MOSPD1: variants seen among roughly 807,000 people sequenced by gnomAD.
The protein encoded by MOSPD1 is motile sperm domain containing 1.
In MOSPD1, 5 loss-of-function variants were observed where a neutral mutation model predicts 16.7. That is an observed-to-expected ratio of 0.30 (90% confidence interval 0.16 to 0.63). The LOEUF (loss-of-function observed/expected upper bound fraction) is 0.63. Ranked by LOEUF, MOSPD1 falls within the 30% of genes least tolerant of loss-of-function variation. The probability of loss-of-function intolerance (pLI) is 0.82; values close to 1 mark genes in which losing one functional copy is unlikely to be tolerated. For missense variants in MOSPD1, 104 were observed against 153.6 expected, an observed-to-expected ratio of 0.68 and a Z score of 1.71; for synonymous variants, 67 against 59.2, an observed-to-expected ratio of 1.13 and a Z score of -0.61.
intron 1 of MOSPD1, among the ~76,000 whole-genome samples, chrX:134,903,334 A>G (rs1351465212): frequency 8.9e-6 from 1 of 111,921 alleles, no homozygotes; most frequent in African/African-American, 3.2e-5. Context: ...TCTAGAAGAA[A>G]CAATGAGAAA....
intron 4 of MOSPD1, among the ~76,000 whole-genome samples, chrX:134,896,498 T>C (rs2082885263): frequency 8.9e-6 from 1 of 111,982 alleles, no homozygotes; most frequent in African/African-American, 3.2e-5. Context: ...CAAATTGTAC[T>C]AGCTTCATAA....
intron 1 of MOSPD1, among the ~76,000 whole-genome samples, chrX:134,910,054 C>T (rs759056167): frequency 9.0e-6 from 1 of 111,568 alleles, no homozygotes; most frequent in East Asian, 2.8e-4. Context: ...AAGCAAAATC[C>T]ATATTATATG....
chrX:134,893,492 C>G (rs1229122415), intron 4 of MOSPD1, among the ~76,000 whole-genome samples: 2 of 111,741 alleles, frequency 1.8e-5, no homozygotes, highest in African/African-American at 6.5e-5. Flanking sequence ...ATGGAAAAAG[C>G]TTTTTTCCCT....
chrX:134,892,891 C>CA (rs2082869021), intron 4 of MOSPD1, among the ~76,000 whole-genome samples: 2 of 110,072 alleles, frequency 1.8e-5, no homozygotes, highest in Middle Eastern at 9.4e-3. Flanking sequence ...GACTCTGTCT[C>CA]AAAAAAACAA....
At position 134,889,082 on chromosome X, in the gene MOSPD1, G is replaced by A. The variant is rs2082848732; in HGVS notation, c.*79C>T. ...TTCAATAGTTTGTTGCATGTTAATGGAGTGAAATAGAGATAAAAGGCAGTC... is the reference window on the plus strand; with the variant it reads ...TTCAATAGTTTGTTGCATGTTAATGAAGTGAAATAGAGATAAAAGGCAGTC... On this transcript the variant is annotated 3_prime_UTR_variant, in exon 6 of 6. Coordinates refer to ENST00000370783, the MANE Select transcript of MOSPD1 (RefSeq NM_019556.3). 4.4e-6 allele frequency: 3 copies of A among 677,470 alleles called. No individual in the cohort carries two copies. The highest frequency in any genetic ancestry group is 2.2e-5 in the African/African-American group (1 of 45,766). The allele number at this position is 677,470 out of a possible 1,213,427, so 55.8% of individuals were successfully genotyped here. A position where few individuals can be genotyped will look rare whatever the true frequency, so the allele number is the denominator to read the frequency against.
chrX:134,903,947 G>T (rs1200779181), intron 1 of MOSPD1, among the ~76,000 whole-genome samples: 1 of 110,860 alleles, frequency 9.0e-6, no homozygotes, highest in Non-Finnish European at 1.9e-5. Context: ...CTGAAACAGA[G>T]AATTGCTTGA....
At chrX:134,900,219 T>C (rs987593226) in intron 1 of MOSPD1, among the ~76,000 whole-genome samples, 3 of 112,083 alleles carry the variant, frequency 2.7e-5, no homozygotes. Context: ...TTAAGTATCG[T>C]CACAACTGAT....
chrX:134,892,435 T>G (rs957298582), intron 4 of MOSPD1, among the ~76,000 whole-genome samples: 1 of 111,786 alleles, frequency 8.9e-6, no homozygotes, highest in East Asian at 2.8e-4. Flanking sequence ...AGGAGGAGGA[T>G]AATGCAAATT....
At position 134,908,508 on chromosome X, in the gene MOSPD1, C is replaced by A. The variant is rs2082954651; in HGVS notation, c.-102+6674G>T. Among the ~76,000 whole-genome samples the A allele has an allele frequency of 2.7e-5, 3 of 111,670 alleles. No individual in the cohort carries two copies. The South Asian group carries it at 1.1e-3, about 42-fold the overall frequency. The stretch of plus-strand genomic sequence containing the variant: ...TTTTCCCTGGCTCTTCAGTGCCTAA[C>A]TGTGCCAGCAAGCATTTAGAAATCT... On this transcript the variant is annotated intron_variant, in intron 1 of 5. Transcript: ENST00000370783.
chrX:134,901,108 G>A, intron 1 of MOSPD1, among the ~76,000 whole-genome samples: 2 of 107,883 alleles, frequency 1.9e-5, no homozygotes, highest in Admixed American at 2.0e-4. Context: ...GAGCTATATA[G>A]TCATGTATGC....
intron 4 of MOSPD1, among the ~76,000 whole-genome samples, chrX:134,894,938 T>C (rs2082878547): frequency 8.9e-6 from 1 of 111,772 alleles, no homozygotes; most frequent in Admixed American, 9.6e-5. Context: ...ATTAGATAAT[T>C]TTTTCCCTCA....
At chrX:134,903,471 G>A (rs1214067540) in intron 1 of MOSPD1, among the ~76,000 whole-genome samples, 5 of 109,777 alleles carry the variant, frequency 4.6e-5, no homozygotes, top group Non-Finnish European at 9.5e-5. Flanking sequence ...TAGTGCTTTG[G>A]GAGGCCGAGG....
At chrX:134,905,229 C>T (rs1391955171) in intron 1 of MOSPD1, among the ~76,000 whole-genome samples, 1 of 108,900 alleles carries the variant, frequency 9.2e-6, no homozygotes, top group Non-Finnish European at 1.9e-5. Flanking sequence ...CCACGCCAGG[C>T]GTGGTGGCGG....
rs181291422 is a variant in MOSPD1 at position 134,898,961 on chromosome X, C to T, written c.230+129G>A. ...GAAACAATTTCGATAGACAAACTTT[C>T]GGCAAAAATTCAAAATATAATAAAT... is the stretch of plus-strand genomic sequence containing the variant. On this transcript the variant is annotated intron_variant, in intron 3 of 5. Coordinates refer to ENST00000370783, the MANE Select transcript of MOSPD1 (RefSeq NM_019556.3). 2,586 of 557,737 alleles carry T rather than the reference C, an allele frequency of 4.6e-3. 48 individuals carry two copies. The African/African-American group carries it at 0.051, about 11-fold the overall frequency. 46.0% of individuals were successfully genotyped at this position (557,737 alleles called of 1,213,427 possible).
rs896959697 is a variant in MOSPD1, at chrX:134,889,061, A to G, written c.*100T>C. The G allele has an allele frequency of 1.2e-5, 6 of 488,194 alleles. No homozygotes were observed. The highest frequency in any genetic ancestry group is 9.9e-5 in the African/African-American group (4 of 40,565). The allele number at this position is 488,194 out of a possible 1,213,427, so 40.2% of individuals were successfully genotyped here. On this transcript the variant is annotated 3_prime_UTR_variant, in exon 6 of 6. Transcript: ENST00000370783. The stretch of plus-strand genomic sequence containing the variant: ...ATTTGCAATTATTTGAAATCATTCA[A>G]TAGTTTGTTGCATGTTAATGGAGTG...
intron 5 of MOSPD1, among the ~76,000 whole-genome samples, chrX:134,889,563 G>C (rs1257640619): frequency 8.9e-6 from 1 of 111,733 alleles, no homozygotes; most frequent in Non-Finnish European, 1.9e-5. Context: ...GTATCCCAGG[G>C]CCCTAGGGCC....
At chrX:134,896,299 C>T (rs760723637) in intron 4 of MOSPD1, among the ~76,000 whole-genome samples, 1 of 110,972 alleles carries the variant, frequency 9.0e-6, no homozygotes, top group Non-Finnish European at 1.9e-5. Flanking sequence ...CAATTAATAG[C>T]CCACAGGGGA....
intron 1 of MOSPD1, among the ~76,000 whole-genome samples, chrX:134,900,831 T>G (rs2082908303): frequency 9.1e-6 from 1 of 109,882 alleles, no homozygotes; most frequent in Non-Finnish European, 1.9e-5. Flanking sequence ...GCCTCTGGAG[T>G]AGCTGGGACT....
Position 134,888,121 on chromosome X carries a change from A to G in MOSPD1, c.*1040T>C, listed in dbSNP as rs1398338948. On this transcript the variant is annotated 3_prime_UTR_variant, in exon 6 of 6. Transcript: ENST00000370783. ...CTATGAAAATAACAGTTAAAACTGCATATGTGTTAGAGATCAGAAGAGGCT... is the reference window on the plus strand; with the variant it reads ...CTATGAAAATAACAGTTAAAACTGCGTATGTGTTAGAGATCAGAAGAGGCT... 2.7e-5 allele frequency: 3 copies of G among 112,582 alleles called. No homozygotes were observed. The highest frequency in any genetic ancestry group is 9.7e-5 in the African/African-American group (3 of 30,962). The allele number at this position is 112,582 out of a possible 1,213,427, so 9.3% of individuals were successfully genotyped here.
Sources: allele counts gnomAD v4.1 joint callset (sites outside exome capture counted in the v4.1 genomes callset), GRCh38; gene constraint gnomAD v4.1.1; transcripts MANE v1.5; gene names NCBI Gene and HGNC (gene_info 2026-07-23, HGNC 2026-07-21).